MRTO4: variants seen among roughly 807,000 people sequenced by gnomAD.
MRTO4 encodes MRT4 homolog, ribosome maturation factor, also known as mRNA turnover protein 4 homolog.
In MRTO4, 7 loss-of-function variants were observed where a neutral mutation model predicts 28.6. The ratio of observed to expected loss-of-function variants is 0.24; its 90% CI spans 0.14 to 0.46. MRTO4 has a LOEUF of 0.46. Among genes scored for constraint, MRTO4 ranks in the 20% least tolerant of loss-of-function variants. The probability of loss-of-function intolerance (pLI) is 0.99; values close to 1 mark genes in which losing one functional copy is unlikely to be tolerated. For missense variants in MRTO4, 302 were observed against 298.3 expected (o/e 1.01, Z -0.09); for synonymous variants, 113 against 108.2 (o/e 1.04, Z -0.27).
chr1:19,256,026 A>T lies in MRTO4; in HGVS notation c.166A>T (p.Ile56Phe). The stretch of plus-strand genomic sequence containing the variant: ...CATGAGGAACAGCAAGCTGAAGGAC[A>T]TCCGGAACGCCTGGAAGCACAGCCG... The part of the protein sequence containing the change: ...ANMRNSKLKD[I>F]RNAWKHSRMF... The change falls in exon 3 of 8, where the codon ATC (isoleucine) becomes TTC (phenylalanine). Residue 56 changes from isoleucine to phenylalanine, a missense_variant. Physicochemically the swap from Ile to Phe is conservative, Grantham distance 21 (BLOSUM62 0). Transcript: ENST00000330263. 6.2e-7 allele frequency: 1 copy of T among 1,614,126 alleles called. No homozygotes were observed. Among genetic ancestry groups the T allele is most frequent in the South Asian group, 1.1e-5 (1 of 91,070 alleles).
At chr1:19,257,652 T>C (rs1183956446) in intron 5 of MRTO4, 131 bp downstream of exon 5, 6 of 1,368,018 alleles carry the variant, frequency 4.4e-6, no homozygotes, top group Non-Finnish European at 6.2e-6. Context: ...ACTGAGCTAG[T>C]GGCCTGGGAC....
At chr1:19,254,069 A>G (rs2093667898) in intron 1 of MRTO4, among the ~76,000 whole-genome samples, 1 of 152,184 alleles carries the variant, frequency 6.6e-6, no homozygotes, top group South Asian at 2.1e-4. Context: ...TGGCCTCTGC[A>G]TCATGGTCAA....
At chr1:19,257,409 C>A in intron 4 of MRTO4, 45 bp from the exon 5 acceptor site, 1 of 1,607,476 alleles carries the variant, frequency 6.2e-7, no homozygotes, top group Non-Finnish European at 8.5e-7. Flanking sequence ...TAGTAGAGAA[C>A]CACTGCTCTA....
intron 6 of MRTO4, 122 bp downstream of exon 6, chr1:19,258,106 G>T (rs1349470741): frequency 9.1e-6 from 12 of 1,313,118 alleles, no homozygotes; most frequent in Non-Finnish European, 1.1e-5. Flanking sequence ...ATGAGAAAAT[G>T]GGGCTAAGAG....
At chr1:19,255,513 G>A (rs1197555559) in intron 2 of MRTO4, among the ~76,000 whole-genome samples, 1 of 152,098 alleles carries the variant, frequency 6.6e-6, no homozygotes, top group African/African-American at 2.4e-5. Context: ...GGGTGAAACA[G>A]TCTCCTCCTG....
At chr1:19,257,021 C>T (rs768897504) in intron 3 of MRTO4, 43 bp from the exon 4 acceptor site, 4 of 1,589,664 alleles carry the variant, frequency 2.5e-6, no homozygotes, top group South Asian at 2.2e-5. Context: ...ATGGGGAGGG[C>T]AGGGCTCTTC....
intron 1 of MRTO4, chr1:19,252,182 A>C (rs771622132): frequency 2.4e-6 from 1 of 411,542 alleles, no homozygotes; most frequent in Non-Finnish European, 4.4e-6. Flanking sequence ...ACTTTTCCCA[A>C]CTTCGGCCCT....
At chr1:19,252,036 G>A in intron 1 of MRTO4, 173 bp downstream of exon 1, 1 of 958,284 alleles carries the variant, frequency 1.0e-6, no homozygotes, top group South Asian at 1.7e-5. Flanking sequence ...AAAACCGCCA[G>A]AGGTGGCTGA....
intron 1 of MRTO4, among the ~76,000 whole-genome samples, chr1:19,253,122 G>A (rs981398502): frequency 1.5e-4 from 23 of 152,294 alleles, no homozygotes; most frequent in African/African-American, 5.5e-4. Context: ...AACATATTCC[G>A]CAAAATGCTA....
At chr1:19,254,522 G>A (rs2093668679) in intron 1 of MRTO4, among the ~76,000 whole-genome samples, 1 of 152,192 alleles carries the variant, frequency 6.6e-6, no homozygotes, top group Non-Finnish European at 1.5e-5. Flanking sequence ...TCAGCCTTAG[G>A]AGCTAAGAAA....
rs1450841196 is a variant in MRTO4, at chr1:19,256,019, G to A, written c.159G>A (p.Leu53=). 1.2e-6 allele frequency: 2 copies of A among 1,614,152 alleles called. No homozygotes were observed. The change falls in exon 3 of 8, where the codon CTG becomes CTA. Residue 53 remains leucine, a synonymous_variant. Coordinates refer to ENST00000330263, the MANE Select transcript of MRTO4 (RefSeq NM_016183.4). ...FSVANMRNSK[L]KDIRNAWKHS... is the part of the protein sequence containing the mutation. Reference sequence around the variant, plus strand: ...TGGCCAACATGAGGAACAGCAAGCTGAAGGACATCCGGAACGCCTGGAAGC... The same window carrying A: ...TGGCCAACATGAGGAACAGCAAGCTAAAGGACATCCGGAACGCCTGGAAGC...
Position 19,254,871 on chromosome 1 carries a change from A to G in MRTO4, c.87+31A>G, listed in dbSNP as rs150931184. On this transcript the variant is annotated intron_variant, in intron 2 of 7. Transcript: ENST00000330263. ...AGGTTGTTCTTTTCTAGAGCTTGCA[A>G]TTGTTTGGTTTATAAAGGTAGGTAT... 2,537 of 1,578,566 alleles carry G rather than the reference A, an allele frequency of 1.6e-3. 16 individuals are homozygous for G. The Middle Eastern group carries it at 0.019, about 12-fold the overall frequency.
intron 2 of MRTO4, 85 bp downstream of exon 2, chr1:19,254,925 G>A: frequency 8.2e-7 from 1 of 1,213,324 alleles, no homozygotes; most frequent in Non-Finnish European, 1.1e-6. Flanking sequence ...TAGGACTGTT[G>A]GCCAGGGGAA....
At chr1:19,258,016 G>T (rs765072665) in intron 6 of MRTO4, 32 bp downstream of exon 6, 6 of 1,608,018 alleles carry the variant, frequency 3.7e-6, no homozygotes, top group African/African-American at 2.7e-5. Context: ...AAAGGTCACA[G>T]CCTAGAGTCC....
In MRTO4 at chr1:19,257,541, G is replaced by A. The variant is rs11811927; in HGVS notation, c.341+20G>A. ...GAATGAGTAAGTACTGCTGAGGAACGGAGGGAAAGAGGCGGGTGAGAGGGG... is the reference window on the plus strand; with the variant it reads ...GAATGAGTAAGTACTGCTGAGGAACAGAGGGAAAGAGGCGGGTGAGAGGGG... On this transcript the variant is annotated intron_variant, in intron 5 of 7. Transcript: ENST00000330263. 0.17 allele frequency: 277,176 copies of A among 1,612,932 alleles called. 25,685 individuals carry two copies. The highest frequency in any genetic ancestry group is 0.2 in the Middle Eastern group (1,216 of 6,060).
At chr1:19,257,743 C>G (rs2093673628) in intron 5 of MRTO4, 90 bp from the exon 6 acceptor site, 1 of 1,541,994 alleles carries the variant, frequency 6.5e-7, no homozygotes, top group Non-Finnish European at 8.8e-7. Flanking sequence ...GGGGGAAGGC[C>G]CAGGGCCACG....
At chr1:19,257,217 C>A in intron 4 of MRTO4, 72 bp downstream of exon 4, 1 of 1,499,224 alleles carries the variant, frequency 6.7e-7, no homozygotes, top group Non-Finnish European at 9.2e-7. Flanking sequence ...CATGTGACAG[C>A]CTCCCCCAGC....
chr1:19,258,664 C>G lies in MRTO4; in HGVS notation c.571-17C>G, dbSNP rs1161790698. 1 of 1,613,936 alleles carries G rather than the reference C, an allele frequency of 6.2e-7. No individual in the cohort carries two copies. The highest frequency in any genetic ancestry group is 1.3e-5 in the African/African-American group (1 of 74,916). On this transcript the variant is annotated splice_polypyrimidine_tract_variant and intron_variant, in intron 7 of 7. Transcript: ENST00000330263. The stretch of plus-strand genomic sequence containing the variant: ...CCTTCATTCCTCCTGATTCTTTGTT[C>G]CCTTTGTCTCTTGCAGAAGCTTTTT...
intron 3 of MRTO4, among the ~76,000 whole-genome samples, chr1:19,256,447 C>A (rs2093671611): frequency 6.6e-6 from 1 of 152,202 alleles, no homozygotes; most frequent in Non-Finnish European, 1.5e-5. Context: ...ACCCATGAGG[C>A]AGAGGCTGCA....
Sources: gnomAD v4.1 joint callset for allele counts (sites outside exome capture counted in the v4.1 genomes callset) on GRCh38, gnomAD v4.1.1 for gene constraint, MANE v1.5 for transcripts, NCBI Gene and HGNC (gene_info 2026-07-23, HGNC 2026-07-21) for gene names.